Variants in SETD5 observed in about 807,000 individuals in gnomAD.
SETD5 encodes the protein histone-lysine N-methyltransferase SETD5.
SETD5 carries 44 observed loss-of-function variants against 153.3 expected under a neutral mutation model. The observed-to-expected ratio is 0.29, with a 90% confidence interval of 0.23 to 0.37. SETD5 has a LOEUF of 0.37. Ranked by LOEUF, SETD5 falls within the 10% of genes least tolerant of loss-of-function variation. SETD5 has a pLI of 1.00. For missense variants in SETD5, 1,544 were observed against 1,768.0 expected (o/e 0.87, Z 2.27); for synonymous variants, 716 against 645.2 (o/e 1.11, Z -1.66).
chr3:9,408,474 C>A (rs190427101), intron 1 of SETD5, among the ~76,000 whole-genome samples: 2 of 152,050 alleles, frequency 1.3e-5, no homozygotes. Flanking sequence ...AAGGTCCATA[C>A]CTTGATTGGT....
intron 18 of SETD5, among the ~76,000 whole-genome samples, chr3:9,466,242 C>T (rs993735855): frequency 7.6e-5 from 11 of 143,794 alleles, no homozygotes; most frequent in Admixed American, 2.2e-4. Context: ...GAGCCGAGAT[C>T]GCGCCATTGC....
chr3:9,425,279 G>A (rs1042984575), intron 2 of SETD5, among the ~76,000 whole-genome samples: 1 of 151,720 alleles, frequency 6.6e-6, no homozygotes, highest in African/African-American at 2.4e-5. Flanking sequence ...AGCCAGGCTG[G>A]TCTTAAACTC....
At chr3:9,472,191 A>ACACTT (rs59693984) in intron 19 of SETD5, among the ~76,000 whole-genome samples, 6,029 of 152,256 alleles carry the variant, frequency 0.04, 440 homozygotes, top group East Asian at 0.38. Flanking sequence ...TATTTCAGAA[A>ACACTT]CACTTCTGAA....
rs781703664 is a variant in SETD5, at chr3:9,447,180, C to A, written c.1655C>A (p.Thr552Asn). 1 of 1,614,024 alleles carries A rather than the reference C, an allele frequency of 6.2e-7. No homozygotes were observed. The highest frequency in any genetic ancestry group is 8.5e-7 in the Non-Finnish European group (1 of 1,179,894). Reference sequence around the variant, plus strand: ...GAGATTACTACAACCACCTCAGAGACTCCTGTTGGTGAAGAGACAAAAACT... The same window carrying A: ...GAGATTACTACAACCACCTCAGAGAATCCTGTTGGTGAAGAGACAAAAACT... ...DVEITTTTSE[T>N]PVGEETKTEA... The change falls in exon 14 of 23, where the codon ACT becomes AAT. Residue 552 changes from threonine to asparagine, a missense_variant. Physicochemically the swap from Thr to Asn is moderately conservative, Grantham distance 65. Around this residue, in one of 9 missense-constraint regions of SETD5, gnomAD observed 782 missense variants for 787.2 expected, o/e 0.99. Coordinates refer to ENST00000402198, the MANE Select transcript of SETD5 (RefSeq NM_001080517.3).
intron 17 of SETD5, among the ~76,000 whole-genome samples, chr3:9,455,108 G>A (rs549981680): frequency 1.3e-5 from 2 of 149,398 alleles, no homozygotes; most frequent in South Asian, 4.2e-4. Context: ...ACTTCATTTG[G>A]ATTTTACTTC....
At chr3:9,440,089 T>A (rs946749115) in intron 7 of SETD5, among the ~76,000 whole-genome samples, 3 of 152,224 alleles carry the variant, frequency 2.0e-5, no homozygotes, top group Non-Finnish European at 4.4e-5. Context: ...TCTCTACTGT[T>A]CATTTGTATG....
chr3:9,440,577 A>G lies in SETD5; in HGVS notation c.689A>G (p.Gln230Arg), dbSNP rs1420258991. 3.1e-6 allele frequency: 5 copies of G among 1,614,016 alleles called. No individual in the cohort carries two copies. Among genetic ancestry groups the G allele is most frequent in the Non-Finnish European group, 4.2e-6 (5 of 1,179,868 alleles). ...ACTAATCAGTACAGTGCAGATGTAC[A>G]GAACGCGCTTGAACAACACCTACAT... ...AFTNQYSADV[Q>R]NALEQHLHSS... Residue 230 changes from glutamine to arginine, a missense_variant, in exon 8 of 23, where the codon CAG (glutamine) becomes CGG (arginine). Gln to Arg is a conservative substitution (Grantham distance 43). Around this residue, in one of 9 missense-constraint regions of SETD5, gnomAD observed 251 missense variants for 326.9 expected, o/e 0.77. Coordinates refer to ENST00000402198, the MANE Select transcript of SETD5 (RefSeq NM_001080517.3).
At position 9,413,646 on chromosome 3, in the gene SETD5, C is replaced by CG. The variant is rs539618589; in HGVS notation, c.-176-10817dup. On this transcript the variant is annotated intron_variant, in intron 1 of 22. Coordinates refer to ENST00000402198, the MANE Select transcript of SETD5 (RefSeq NM_001080517.3). ...TCTAGCTTCTTCGGGTGGGGGGAGG[C>CG]GGGGTGTGTGTGTGTGTGTGTGTGT... 9.0e-4 allele frequency among the ~76,000 whole-genome samples: 89 copies of CG among 99,390 alleles called. 2 individuals carry two copies. The highest frequency in any genetic ancestry group is 4.1e-3 in the South Asian group (11 of 2,706). The allele number at this position is 99,390 out of a possible 152,430, so 65.2% of individuals were successfully genotyped here. A position where few individuals can be genotyped will look rare whatever the true frequency, so the allele number is the denominator to read the frequency against.
At chr3:9,430,842 G>A (rs528152338) in intron 3 of SETD5, 7 of 985,408 alleles carry the variant, frequency 7.1e-6, no homozygotes, top group South Asian at 9.4e-5. Flanking sequence ...AAATGTGACT[G>A]CGCTGTCTCT....
At chr3:9,457,045 C>T (rs2043343974) in intron 17 of SETD5, among the ~76,000 whole-genome samples, 1 of 150,914 alleles carries the variant, frequency 6.6e-6, no homozygotes, top group Non-Finnish European at 1.5e-5. Flanking sequence ...AAGAAATACA[C>T]TAAATATTTT....
chr3:9,427,813 A>G (rs775570510), intron 2 of SETD5, among the ~76,000 whole-genome samples: 5 of 152,200 alleles, frequency 3.3e-5, no homozygotes, highest in Non-Finnish European at 5.9e-5. Context: ...CTGTAAAACT[A>G]CTAATGTAAA....
intron 1 of SETD5, among the ~76,000 whole-genome samples, chr3:9,400,447 G>T (rs994474350): frequency 2.0e-4 from 30 of 152,058 alleles, no homozygotes; most frequent in Non-Finnish European, 7.4e-5. Context: ...TTTAATCATA[G>T]AATCAATTCT....
intron 21 of SETD5, chr3:9,474,846 T>G: frequency 3.2e-6 from 2 of 617,920 alleles, no homozygotes; most frequent in Admixed American, 3.0e-5. Flanking sequence ...TCTACCTCGA[T>G]GAAGGATGAA....
chr3:9,409,466 G>T (rs2036222980), intron 1 of SETD5, among the ~76,000 whole-genome samples: 1 of 152,032 alleles, frequency 6.6e-6, no homozygotes, highest in Non-Finnish European at 1.5e-5. Flanking sequence ...TACTATTTTT[G>T]ACATTCAGGT....
chr3:9,427,661 G>A (rs1400108529), intron 2 of SETD5, among the ~76,000 whole-genome samples: 2 of 152,090 alleles, frequency 1.3e-5, no homozygotes, highest in African/African-American at 4.8e-5. Context: ...GTCTTATTAT[G>A]AATCAGTGTA....
chr3:9,455,583 T>C (rs2043141416), intron 17 of SETD5, among the ~76,000 whole-genome samples: 1 of 152,214 alleles, frequency 6.6e-6, no homozygotes, highest in African/African-American at 2.4e-5. Context: ...ATTAGGGATA[T>C]TTAGTCAAAT....
intron 20 of SETD5, among the ~76,000 whole-genome samples, chr3:9,474,188 A>G (rs1268665605): frequency 1.3e-5 from 2 of 152,176 alleles, no homozygotes; most frequent in African/African-American, 2.4e-5. Flanking sequence ...AAATTTTAAC[A>G]TTTTAAATGG....
In SETD5 at chr3:9,435,906, G is replaced by A; in HGVS notation, c.567G>A (p.Lys189=). 2 of 1,567,448 alleles carry A rather than the reference G, an allele frequency of 1.3e-6. No individual in the cohort carries two copies. The highest frequency in any genetic ancestry group is 1.7e-6 in the Non-Finnish European group (2 of 1,158,488). Residue 189 remains lysine, a splice_region_variant and synonymous_variant, in exon 7 of 23, where the codon AAG becomes AAA. Transcript: ENST00000402198. The part of the protein sequence containing the change: ...GRAAPKTKKI[K]NSPSEAQNLD... The stretch of plus-strand genomic sequence containing the variant: ...CAGCACCAAAGACGAAGAAAATCAA[G>A]GTATGCAGGGTAAAAATATCTTAAA...
intron 3 of SETD5, 183 bp downstream of exon 3, chr3:9,429,192 G>A: frequency 2.6e-6 from 1 of 383,890 alleles, no homozygotes. Flanking sequence ...AGAAGGGGAA[G>A]GAAGAGTTTT....
Sources: gnomAD v4.1 joint callset for allele counts (sites outside exome capture counted in the v4.1 genomes callset) on GRCh38, gnomAD v4.1.1 for gene constraint, gnomAD v4.1.1 regional missense constraint, MANE v1.5 for transcripts, NCBI Gene and HGNC (gene_info 2026-07-23, HGNC 2026-07-21) for gene names.